The following CCNH variants were observed in gnomAD, a reference collection of about 807,000 sequenced individuals.
CCNH encodes cyclin H, also known as cyclin-H.
A neutral mutation model predicts 41.9 loss-of-function variants in CCNH; 31 were observed. The observed-to-expected ratio is 0.74, with a 90% CI of 0.56 to 1.00. The LOEUF (loss-of-function observed/expected upper bound fraction) is 1.00. CCNH is among the 50% of genes least tolerant of loss of function. CCNH has a pLI of 0.00. For synonymous variants in CCNH, 138 were observed against 136.1 expected (o/e 1.01, Z -0.10); for missense variants, 362 against 388.4 (o/e 0.93, Z 0.57).
intron 9 of CCNH, chr5:87,362,508 A>G (rs767831653): frequency 6.4e-7 from 1 of 1,551,284 alleles, no homozygotes; most frequent in African/African-American, 1.4e-5. Context: ...CTTCATTTCC[A>G]TCAAGAATGT....
intron 9 of CCNH, chr5:87,346,731 A>T (rs1469166961): frequency 6.5e-7 from 1 of 1,533,114 alleles, no homozygotes; most frequent in Non-Finnish European, 9.0e-7. Context: ...ACAGGTACTT[A>T]CATATTTACT....
chr5:87,382,813 G>A (rs905150927), intron 9 of CCNH, among the ~76,000 whole-genome samples: 8 of 152,072 alleles, frequency 5.3e-5, no homozygotes, highest in Non-Finnish European at 1.2e-4. Context: ...GCTGGGCATG[G>A]TGGCTCAAGC....
chr5:87,399,342 C>G (rs1763212703), intron 7 of CCNH, 52 bp downstream of exon 7: 2 of 1,293,288 alleles, frequency 1.5e-6, no homozygotes, highest in East Asian at 2.3e-5. Flanking sequence ...TACGAACCAG[C>G]TGGACTGGAT....
intron 9 of CCNH, among the ~76,000 whole-genome samples, chr5:87,336,920 A>G (rs1456711640): frequency 2.6e-5 from 4 of 152,120 alleles, no homozygotes; most frequent in Non-Finnish European, 5.9e-5. Flanking sequence ...ATGTTGTATA[A>G]TACAAGTTCT....
chr5:87,339,043 G>A (rs376932628), intron 9 of CCNH, among the ~76,000 whole-genome samples: 2 of 151,918 alleles, frequency 1.3e-5, no homozygotes. Context: ...CTTTCCTTTC[G>A]GATTTTTCTA....
intron 5 of CCNH, among the ~76,000 whole-genome samples, chr5:87,403,175 T>C (rs939274389): frequency 9.2e-5 from 14 of 151,882 alleles, no homozygotes; most frequent in African/African-American, 3.1e-4. Flanking sequence ...TCCCAAAAAT[T>C]TGCCTGTAAA....
intron 9 of CCNH, among the ~76,000 whole-genome samples, chr5:87,357,141 C>G (rs1335342884): frequency 6.6e-6 from 1 of 152,064 alleles, no homozygotes; most frequent in Non-Finnish European, 1.5e-5. Flanking sequence ...TTTTAACATC[C>G]ATCTTGTTTC....
intron 1 of CCNH, 135 bp from the exon 2 acceptor site, chr5:87,411,481 A>G: frequency 1.4e-6 from 1 of 700,058 alleles, no homozygotes; most frequent in African/African-American, 1.8e-5. Context: ...TTTTCTTTAT[A>G]GATTCGCTAA....
At chr5:87,386,172 G>T (rs1762050320) in intron 9 of CCNH, among the ~76,000 whole-genome samples, 1 of 151,910 alleles carries the variant, frequency 6.6e-6, no homozygotes, top group African/African-American at 2.4e-5. Flanking sequence ...ATTACTGTTA[G>T]AGAGACTTTC....
At chr5:87,315,472 A>G (rs2112317230), downstream of CCNH, among the ~76,000 whole-genome samples, 1 of 152,336 alleles carries the variant, frequency 6.6e-6, no homozygotes, top group Admixed American at 6.5e-5. Flanking sequence ...CCCTACCACC[A>G]AATACTGTCA....
chr5:87,319,649 G>A (rs934932833), intron 9 of CCNH, among the ~76,000 whole-genome samples: 5 of 152,192 alleles, frequency 3.3e-5, no homozygotes, highest in African/African-American at 1.2e-4. Flanking sequence ...AGGGCTCTGG[G>A]ACTGGCCCAT....
chr5:87,381,550 C>G (rs952015451), upstream of CCNH, among the ~76,000 whole-genome samples: 22 of 152,302 alleles, frequency 1.4e-4, no homozygotes, highest in African/African-American at 4.6e-4. Flanking sequence ...AATCCTGCCT[C>G]CAACCTAAAT....
intron 9 of CCNH, among the ~76,000 whole-genome samples, chr5:87,355,966 C>A (rs1759618158): frequency 6.6e-6 from 1 of 152,190 alleles, no homozygotes; most frequent in African/African-American, 2.4e-5. Flanking sequence ...AATTACTCCA[C>A]TTTTGTGATG....
In CCNH at chr5:87,411,257, C is replaced by G. The variant is rs766336533; in HGVS notation, c.207G>C (p.Ser69=). ...YYEKRLLEFC[S]VFKPAMPRSV... is the part of the protein sequence containing the mutation. ...ATCTTGGCATTGCTGGCTTAAACAC[C>G]GAACAGAATTCCAATAACCTTTTCT... is the stretch of plus-strand genomic sequence containing the variant. Residue 69 remains serine (S), a synonymous_variant, in exon 2 of 9, where the codon TCG becomes TCC. Coordinates refer to ENST00000256897, the MANE Select transcript of CCNH (RefSeq NM_001239.4). 1.9e-6 allele frequency: 3 copies of G among 1,612,336 alleles called. No homozygotes were observed. The highest frequency in any genetic ancestry group is 2.5e-6 in the Non-Finnish European group (3 of 1,179,254).
chr5:87,335,419 G>GTTTTTTTTTTTTTTT (rs34986349), intron 9 of CCNH, among the ~76,000 whole-genome samples: 1 of 72,888 alleles, frequency 1.4e-5, no homozygotes, highest in Non-Finnish European at 2.4e-5. Flanking sequence ...AAAGAATGAG[G>GTTTTTTTTTTTTTTT]TTTTTTTTTT....
At chr5:87,378,373 T>C (rs1273425276), upstream of CCNH, 1 of 1,610,564 alleles carries the variant, frequency 6.2e-7, no homozygotes, top group African/African-American at 1.3e-5. Flanking sequence ...ACAAATAATC[T>C]TCTAATGTAA....
chr5:87,374,697 T>G (rs940647443), downstream of CCNH: 1 of 1,187,826 alleles, frequency 8.4e-7, no homozygotes, highest in Non-Finnish European at 1.2e-6. Context: ...TAATAAAATA[T>G]GTTGTGAATC....
upstream of CCNH, chr5:87,379,664 C>G (rs985867892): frequency 6.4e-7 from 1 of 1,570,450 alleles, no homozygotes; most frequent in Admixed American, 1.8e-5. Context: ...ACTATAACTA[C>G]TTGTTTTCCT....
chr5:87,379,162 C>A (rs1220302696), upstream of CCNH, among the ~76,000 whole-genome samples: 2 of 152,128 alleles, frequency 1.3e-5, no homozygotes, highest in East Asian at 3.8e-4. Flanking sequence ...GTTAATCCTG[C>A]ACGAAGGTGT....
Sources: allele counts gnomAD v4.1 joint callset (sites outside exome capture counted in the v4.1 genomes callset), GRCh38; gene constraint gnomAD v4.1.1; transcripts MANE v1.5; gene names NCBI Gene and HGNC (gene_info 2026-07-23, HGNC 2026-07-21).